The following CPXM2 variants were observed in gnomAD, a reference collection of about 807,000 sequenced individuals.
The protein encoded by CPXM2 is carboxypeptidase X, M14 family member 2.
Under a neutral mutation model 86.1 loss-of-function variants are expected in CPXM2, and 66 were observed. The observed-to-expected ratio is 0.77, with a 90% CI of 0.63 to 0.94. The LOEUF is 0.94. Ranked by LOEUF, CPXM2 falls within the 40% of genes least tolerant of loss-of-function variation. CPXM2 has a pLI of 0.00. For synonymous variants in CPXM2, 388 were observed against 400.2 expected, an observed-to-expected ratio of 0.97 and a Z score of 0.36; for missense variants, 948 against 1,026.3, an observed-to-expected ratio of 0.92 and a Z score of 1.04.
intron 4 of CPXM2, among the ~76,000 whole-genome samples, chr10:123,801,533 G>T (rs985589752): frequency 6.6e-6 from 1 of 151,910 alleles, no homozygotes; most frequent in Non-Finnish European, 1.5e-5. Flanking sequence ...CACCTCCCCT[G>T]CCACCACCCC....
chr10:123,778,781 T>A (rs1846864359), intron 7 of CPXM2, among the ~76,000 whole-genome samples: 2 of 152,144 alleles, frequency 1.3e-5, no homozygotes, highest in Non-Finnish European at 2.9e-5. Context: ...CAGTGCTCCA[T>A]AAAATGGAAT....
rs545591341 is a variant in CPXM2, at chr10:123,875,413, G to A, written c.403+4798C>T. On this transcript the variant is annotated intron_variant, in intron 2 of 13. Transcript: ENST00000241305. ...TCCCCTGTCACTCCCATAGGAGTCT[G>A]AAATACAGGCATGGCAGTTTATCAT... Among the ~76,000 whole-genome samples, 36 of 152,300 alleles carry A rather than the reference G, an allele frequency of 2.4e-4. No homozygotes were observed. In the South Asian group the frequency reaches 2.9e-3, roughly 12 times the overall value.
At chr10:123,907,257 C>G (rs1945451055) in intron 2 of CPXM2, among the ~76,000 whole-genome samples, 1 of 152,230 alleles carries the variant, frequency 6.6e-6, no homozygotes, top group Non-Finnish European at 1.5e-5. Flanking sequence ...CTCACAAAGA[C>G]TATTTTTAGA....
rs1013350562 is a variant in CPXM2 at position 123,865,454 on chromosome 10, C to T, written c.404-2731G>A. On this transcript the variant is annotated intron_variant, in intron 2 of 13. Coordinates refer to ENST00000241305, the MANE Select transcript of CPXM2 (RefSeq NM_198148.3). The surrounding 1 kb of genome is among the most constrained non-coding windows in gnomAD (Gnocchi z 4.7). ...ATCCCTAGAGAAATGAGAGGGATGG[C>T]AGAAAGTGAGAAGGACAGAGGCGGG... Among the ~76,000 whole-genome samples the T allele has an allele frequency of 6.6e-6, 1 of 152,122 alleles. No homozygotes were observed. Among genetic ancestry groups the T allele is most frequent in the African/African-American group, 2.4e-5 (1 of 41,420 alleles).
chr10:123,891,535 C>T lies in CPXM2; in HGVS notation c.125G>A (p.Ser42Asn). Reference sequence around the variant, plus strand: ...CGGGCGCGCGTAGTAGGGCTCCCGGCTCCAGATCTCCTGCCCGTAATAATC... The same window carrying T: ...CGGGCGCGCGTAGTAGGGCTCCCGGTTCCAGATCTCCTGCCCGTAATAATC... ...DPDYYGQEIW[S>N]REPYYARPEP... The change falls in exon 1 of 14, where the codon AGC becomes AAC. Residue 42 changes from serine to asparagine, a missense_variant. Transcript: ENST00000241305. The surrounding 1 kb of genome is among the most constrained non-coding windows in gnomAD (Gnocchi z 5.6). The T allele has an allele frequency of 6.5e-7, 1 of 1,548,628 alleles. No individual in the cohort carries two copies. The highest frequency in any genetic ancestry group is 8.7e-7 in the Non-Finnish European group (1 of 1,145,694).
intron 2 of CPXM2, among the ~76,000 whole-genome samples, chr10:123,877,793 C>A (rs984175766): frequency 3.3e-5 from 5 of 152,234 alleles, no homozygotes; most frequent in Admixed American, 2.0e-4. Flanking sequence ...TTGATACTTG[C>A]CACAGCTGAC....
At chr10:123,853,759 G>C (rs543713647) in intron 3 of CPXM2, among the ~76,000 whole-genome samples, 1 of 152,056 alleles carries the variant, frequency 6.6e-6, no homozygotes, top group Admixed American at 6.5e-5. Context: ...ACAAAAATTA[G>C]CTGGGCATGG....
intron 7 of CPXM2, among the ~76,000 whole-genome samples, chr10:123,772,164 C>T (rs1363235345): frequency 1.3e-5 from 2 of 152,122 alleles, no homozygotes; most frequent in Non-Finnish European, 2.9e-5. Context: ...GTGATCATCA[C>T]CTCCTTCGTT....
chr10:123,833,646 C>T (rs1264988959), intron 4 of CPXM2, among the ~76,000 whole-genome samples: 3 of 152,234 alleles, frequency 2.0e-5, no homozygotes, highest in Non-Finnish European at 4.4e-5. Flanking sequence ...ATCTCCTCTT[C>T]GCACAGTCCA....
rs1182199264 is a variant in CPXM2, at chr10:123,880,304, G to A, written c.310C>T (p.His104Tyr). Reference sequence around the variant, plus strand: ...GTTCTCATAACTTTTTTGTTGCTGTGTTTACCTAAAGGGGGAGAGAGAGAT... The same window carrying A: ...GTTCTCATAACTTTTTTGTTGCTGTATTTACCTAAAGGGGGAGAGAGAGAT... Reference protein sequence around the residue: ...SAPEPPPPGKHSNKKVMRTKS... With the variant: ...SAPEPPPPGKYSNKKVMRTKS... The change falls in exon 2 of 14, where the codon CAC (histidine) becomes TAC (tyrosine). Residue 104 changes from histidine (H) to tyrosine (Y), a missense_variant. By Grantham distance (83) the His-to-Tyr change is moderately conservative (BLOSUM62 2). Coordinates refer to ENST00000241305, the MANE Select transcript of CPXM2 (RefSeq NM_198148.3). 3 of 1,481,672 alleles carry A rather than the reference G, an allele frequency of 2.0e-6. No homozygotes were observed. Among genetic ancestry groups the A allele is most frequent in the African/African-American group, 2.8e-5 (2 of 72,392 alleles). The allele number at this position is 1,481,672 out of a possible 1,614,324, so 91.8% of individuals were successfully genotyped here.
intron 2 of CPXM2, among the ~76,000 whole-genome samples, chr10:123,879,060 C>T (rs1045723757): frequency 6.6e-5 from 10 of 152,204 alleles, no homozygotes; most frequent in African/African-American, 2.4e-4. Context: ...GAGTGCACGC[C>T]TGCCCACTTT....
intron 13 of CPXM2, chr10:123,751,978 G>A (rs1269137837): frequency 6.1e-6 from 6 of 985,288 alleles, no homozygotes; most frequent in Middle Eastern, 5.2e-4. Flanking sequence ...CTTGGCTTAT[G>A]AGGCCCCAGG....
intron 6 of CPXM2, among the ~76,000 whole-genome samples, chr10:123,782,214 T>C (rs1393866828): frequency 2.0e-5 from 3 of 152,360 alleles, no homozygotes; most frequent in South Asian, 2.1e-4. Context: ...TTTCCAAACC[T>C]GCCAGTTTCA....
chr10:123,772,595 G>A (rs1042163778), intron 7 of CPXM2, among the ~76,000 whole-genome samples: 1 of 151,182 alleles, frequency 6.6e-6, no homozygotes, highest in African/African-American at 2.4e-5. Context: ...CTCCTCCATT[G>A]TGGTCATCAC....
At chr10:123,757,085 C>T in intron 12 of CPXM2, 128 bp downstream of exon 12, 2 of 823,000 alleles carry the variant, frequency 2.4e-6, no homozygotes, top group South Asian at 1.6e-5. Context: ...TGGCTCCTCG[C>T]AGCACTGTGC....
At chr10:123,938,755 C>A (rs1945746399) in intron 2 of CPXM2, among the ~76,000 whole-genome samples, 1 of 152,178 alleles carries the variant, frequency 6.6e-6, no homozygotes, top group Non-Finnish European at 1.5e-5. Context: ...ACGCTCTGGT[C>A]TATGGTGAGC....
intron 10 of CPXM2, among the ~76,000 whole-genome samples, chr10:123,766,087 A>C (rs1309599063): frequency 6.6e-6 from 1 of 152,166 alleles, no homozygotes; most frequent in Non-Finnish European, 1.5e-5. Context: ...CCTGAGAGAA[A>C]ACTTTTTCTT....
chr10:123,867,894 C>A (rs890178395), intron 2 of CPXM2, among the ~76,000 whole-genome samples: 12 of 152,142 alleles, frequency 7.9e-5, no homozygotes, highest in East Asian at 5.8e-4. Flanking sequence ...ACCTGCTCCT[C>A]CCCCTTGGGT....
At chr10:123,804,068 T>A (rs575919558) in intron 4 of CPXM2, among the ~76,000 whole-genome samples, 3 of 152,296 alleles carry the variant, frequency 2.0e-5, no homozygotes, top group Admixed American at 2.0e-4. Context: ...TGTGACTGTA[T>A]ATATGTAGGT....
Sources: gnomAD v4.1 joint callset for allele counts (sites outside exome capture counted in the v4.1 genomes callset) on GRCh38, gnomAD v4.1.1 for gene constraint, Gnocchi (gnomAD v3.1) non-coding constraint, MANE v1.5 for transcripts, NCBI Gene and HGNC (gene_info 2026-07-23, HGNC 2026-07-21) for gene names.